Variants in DST observed in about 807,000 individuals in gnomAD.
DST encodes the protein bullous pemphigoid antigen.
In DST, 253 loss-of-function variants were observed where a neutral mutation model predicts 875.2. The observed-to-expected ratio is 0.29, with a 90% confidence interval of 0.26 to 0.32. The LOEUF is 0.32. Among genes scored for constraint, DST ranks in the 10% least tolerant of loss-of-function variants. The pLI is 1.00. For synonymous variants in DST, 3,124 were observed against 3,197.1 expected (o/e 0.98, Z 0.77); for missense variants, 8,287 against 9,111.6 (o/e 0.91, Z 3.68).
chr6:56,696,026 A>G (rs1563731274), intron 9 of DST, among the ~76,000 whole-genome samples: 1 of 152,226 alleles, frequency 6.6e-6, no homozygotes, highest in Non-Finnish European at 1.5e-5. Flanking sequence ...TTTAACCAAA[A>G]CATAGATGTG....
At chr6:56,833,138 GC>G (rs1342077005) in intron 4 of DST, among the ~76,000 whole-genome samples, 1 of 152,080 alleles carries the variant, frequency 6.6e-6, no homozygotes, top group Admixed American at 6.5e-5. Context: ...CTTTTTTCTA[GC>G]AAAGGCAGTC....
chr6:56,585,237 G>A (rs1462908429), intron 49 of DST, among the ~76,000 whole-genome samples: 3,796 of 152,106 alleles, frequency 0.025, 67 homozygotes, highest in Non-Finnish European at 0.042. Context: ...ACTCTTTTTC[G>A]TTGGTAAGCT....
At chr6:56,517,702 C>T in intron 69 of DST, 82 bp from the exon 70 acceptor site, 2 of 1,444,404 alleles carry the variant, frequency 1.4e-6, no homozygotes, top group African/African-American at 2.9e-5. Flanking sequence ...TTTGAAATAT[C>T]CTTATTACAC....
intron 2 of DST, among the ~76,000 whole-genome samples, chr6:56,947,931 A>ATAC (rs1820499413): frequency 6.6e-6 from 1 of 152,266 alleles, no homozygotes; most frequent in African/African-American, 2.4e-5. Context: ...AACCCTATAC[A>ATAC]TACTATGTTT....
Position 56,606,336 on chromosome 6 carries a change from A to C in DST, c.8292T>G (p.Ser2764Arg), listed in dbSNP as rs76638798. 1 of 1,612,394 alleles carries C rather than the reference A, an allele frequency of 6.2e-7. No individual in the cohort carries two copies. The highest frequency in any genetic ancestry group is 1.3e-5 in the African/African-American group (1 of 74,874). The change falls in exon 40 of 104, where the codon AGT (serine) becomes AGG (arginine). Residue 2764 changes from serine (S) to arginine (R), a missense_variant. Ser to Arg is a moderately radical substitution (Grantham distance 110). Around this residue, in one of 10 missense-constraint regions of DST, gnomAD observed 3,138 missense variants for 3,116.6 expected, o/e 1.01. Coordinates refer to ENST00000680361, the MANE Select transcript of DST (RefSeq NM_001374736.1). ...CATACTCTTCCTTTCTTCCTCTCCA[A>C]CTGCCACTGTCATCAAATTTTAATG... Reference protein sequence around the residue: ...TASLKFDDSGSWRGRKEEYVT... With the variant: ...TASLKFDDSGRWRGRKEEYVT...
At chr6:56,688,025 C>A (rs2099200424) in intron 9 of DST, among the ~76,000 whole-genome samples, 1 of 151,932 alleles carries the variant, frequency 6.6e-6, no homozygotes, top group Non-Finnish European at 1.5e-5. Context: ...TTTTGTAAAG[C>A]CAAGGATTTA....
At chr6:56,944,964 T>TA (rs1477105707) in intron 2 of DST, among the ~76,000 whole-genome samples, 1 of 152,194 alleles carries the variant, frequency 6.6e-6, no homozygotes, top group East Asian at 1.9e-4. Flanking sequence ...TCCTTGAATT[T>TA]AGACACCATA....
chr6:56,602,017 A>G (rs936005074), intron 43 of DST: 2 of 438,120 alleles, frequency 4.6e-6, no homozygotes, highest in African/African-American at 2.0e-5. Flanking sequence ...CTACCTTAAA[A>G]TATGACTTGC....
intron 5 of DST, among the ~76,000 whole-genome samples, chr6:56,721,988 A>G (rs1360405608): frequency 6.6e-6 from 1 of 152,244 alleles, no homozygotes; most frequent in African/African-American, 2.4e-5. Flanking sequence ...GGCTGGGTTC[A>G]ATACAATTTT....
intron 10 of DST, among the ~76,000 whole-genome samples, chr6:56,652,997 A>T (rs2152801187): frequency 6.6e-6 from 1 of 152,346 alleles, no homozygotes; most frequent in Middle Eastern, 3.4e-3. Flanking sequence ...TTCAATAAAA[A>T]ATCGTTTTGT....
chr6:56,594,146 G>T lies in DST; in HGVS notation c.12243C>A (p.Ala4081=). 6.3e-7 allele frequency: 1 copy of T among 1,576,338 alleles called. No homozygotes were observed. Residue 4081 remains alanine, a synonymous_variant, in exon 48 of 104, where the codon GCC becomes GCA. Coordinates refer to ENST00000680361, the MANE Select transcript of DST (RefSeq NM_001374736.1). ...IISQHQAVII[A]TQSAQVLLEK... is the part of the protein sequence containing the mutation. ...CAAGCAACACTTGTGCAGACTGAGTGGCTATGATCACTGCTTGGTGCTGAG... is the reference window on the plus strand; with the variant it reads ...CAAGCAACACTTGTGCAGACTGAGTTGCTATGATCACTGCTTGGTGCTGAG...
At chr6:56,824,764 G>C (rs1054167876) in intron 4 of DST, among the ~76,000 whole-genome samples, 1 of 151,048 alleles carries the variant, frequency 6.6e-6, no homozygotes. Flanking sequence ...GAGTCCCTCC[G>C]CCCGGCAGCT....
chr6:56,894,360 T>C (rs1296571625), intron 3 of DST, among the ~76,000 whole-genome samples: 12 of 71,210 alleles, frequency 1.7e-4, no homozygotes, highest in Admixed American at 3.9e-4. Flanking sequence ...GGGGGGCTGT[T>C]CCCCCCACCT....
At chr6:56,917,049 G>A (rs968199026) in intron 2 of DST, among the ~76,000 whole-genome samples, 61 of 146,776 alleles carry the variant, frequency 4.2e-4, no homozygotes, top group Non-Finnish European at 3.4e-4. Context: ...CACACTGCTC[G>A]GACCAGGTAT....
At position 56,569,872 on chromosome 6, in the gene DST, G is replaced by C. The variant is rs1275379635; in HGVS notation, c.13862C>G (p.Ser4621Cys). 6.2e-7 allele frequency: 1 copy of C among 1,611,704 alleles called. No homozygotes were observed. The highest frequency in any genetic ancestry group is 1.7e-5 in the Admixed American group (1 of 59,708). ...ATGATTCACCTTAGTGTCTTCCAAA[G>C]ATTTTCCTAAATCCTCTGCACCAAA... ...PSFGAEDLGK[S>C]LEDTKKLQEK... The change falls in exon 54 of 104, where the codon TCT becomes TGT. Residue 4621 changes from serine to cysteine, a missense_variant. Ser to Cys is a moderately radical substitution (Grantham distance 112). Transcript: ENST00000680361.
Position 56,763,684 on chromosome 6 carries a change from T to C in DST, c.626-28395A>G, listed in dbSNP as rs866536752. Among the ~76,000 whole-genome samples, 87 of 117,096 alleles carry C rather than the reference T, an allele frequency of 7.4e-4. 1 individual carries two copies. The highest frequency in any genetic ancestry group is 4.5e-3 in the South Asian group (13 of 2,868). 76.8% of individuals were successfully genotyped at this position (117,096 alleles called of 152,430 possible). On this transcript the variant is annotated intron_variant, in intron 4 of 103. Transcript: ENST00000680361. ...TCCTCTTAAAAAAAAAAAATACCTA[T>C]ACACACACACACACACACACACACA...
chr6:56,529,348 A>T, intron 66 of DST, 100 bp downstream of exon 66: 2 of 1,023,336 alleles, frequency 2.0e-6, no homozygotes, highest in Non-Finnish European at 2.7e-6. Context: ...ACAGCAATTC[A>T]TCGAAATCAT....
At chr6:56,881,229 C>A (rs1294597923) in intron 3 of DST, among the ~76,000 whole-genome samples, 1 of 152,052 alleles carries the variant, frequency 6.6e-6, no homozygotes, top group Non-Finnish European at 1.5e-5. Context: ...AATCCCAGCA[C>A]TTTGGGAGGC....
At chr6:56,513,139 G>C (rs1196583643) in intron 72 of DST, among the ~76,000 whole-genome samples, 3 of 152,036 alleles carry the variant, frequency 2.0e-5, no homozygotes, top group African/African-American at 7.3e-5. Flanking sequence ...CTACATCTCT[G>C]CTGATATTTC....
Sources: gnomAD v4.1 joint callset for allele counts (sites outside exome capture counted in the v4.1 genomes callset) on GRCh38, gnomAD v4.1.1 for gene constraint, gnomAD v4.1.1 regional missense constraint, MANE v1.5 for transcripts, NCBI Gene and HGNC (gene_info 2026-07-23, HGNC 2026-07-21) for gene names.